The following OC90 variants were observed in gnomAD, a reference collection of about 807,000 sequenced individuals.
The protein encoded by OC90 is otoconin 90.
A neutral mutation model predicts 47.3 loss-of-function variants in OC90; 46 were observed. The observed-to-expected ratio is 0.97, with a 90% CI of 0.77 to 1.24. The LOEUF (loss-of-function observed/expected upper bound fraction) is 1.24, where lower values mean the gene tolerates loss of function less well. Among genes scored for constraint, OC90 ranks in the 50% most tolerant of loss-of-function variants. OC90 has a pLI of 0.00. For missense variants in OC90, 688 were observed against 583.9 expected (o/e 1.18, Z -1.84); for synonymous variants, 271 against 219.5 (o/e 1.23, Z -2.07).
At chr8:132,044,519 T>C in intron 3 of OC90, 30 bp from the exon 4 acceptor site, 3 of 1,304,164 alleles carry the variant, frequency 2.3e-6, no homozygotes, top group Non-Finnish European at 3.3e-6. Context: ...CAAATGAGAG[T>C]CTTGGTTTTT....
rs757069497 is a variant in OC90 at position 132,038,750 on chromosome 8, C to T, written c.628+40G>A. 22 of 1,563,010 alleles carry T rather than the reference C, an allele frequency of 1.4e-5. No homozygotes were observed. The African/African-American group carries it at 2.2e-4, about 15-fold the overall frequency. On this transcript the variant is annotated intron_variant, in intron 8 of 13. Coordinates refer to ENST00000254627, the MANE Select transcript of OC90 (RefSeq NM_001080399.3). The stretch of plus-strand genomic sequence containing the variant: ...CCACCGGCTCCCATCAGCATCTGGG[C>T]CCTTGTGGTTCAAGAGCCACCAACC...
chr8:132,050,340 G>T (rs1199268535), intron 2 of OC90, among the ~76,000 whole-genome samples: 1 of 152,134 alleles, frequency 6.6e-6, no homozygotes, highest in Non-Finnish European at 1.5e-5. Flanking sequence ...TCATAGGAAG[G>T]CACGATCCAT....
At position 132,039,022 on chromosome 8, in the gene OC90, T is replaced by C. The variant is rs766069705; in HGVS notation, c.559A>G (p.Thr187Ala). 3.1e-6 allele frequency: 5 copies of C among 1,613,656 alleles called. No homozygotes were observed. Among genetic ancestry groups the C allele is most frequent in the South Asian group, 2.2e-5 (2 of 91,054 alleles). The change falls in exon 7 of 14, where the codon ACC (threonine) becomes GCC (alanine). Residue 187 changes from threonine to alanine, a missense_variant. Coordinates refer to ENST00000254627, the MANE Select transcript of OC90 (RefSeq NM_001080399.3). The stretch of plus-strand genomic sequence containing the variant: ...GGAGTCTGAGCCAGGCAGAAGGAGG[T>C]GTCCAGAAGGTTCAGGGAAGAGTTG... ...SLNSSLNLLD[T>A]SFCLAQTPET...
intron 3 of OC90, among the ~76,000 whole-genome samples, chr8:132,044,801 C>G (rs1172972482): frequency 5.9e-5 from 9 of 152,194 alleles, no homozygotes; most frequent in Non-Finnish European, 4.4e-5. Context: ...GGGTCTCATT[C>G]AGTGTGATGA....
At chr8:132,050,523 G>A (rs1397745518) in intron 2 of OC90, among the ~76,000 whole-genome samples, 2 of 152,184 alleles carry the variant, frequency 1.3e-5, no homozygotes, top group East Asian at 3.8e-4. Flanking sequence ...GGCTGCAGGG[G>A]ATGGAAATAG....
intron 2 of OC90, among the ~76,000 whole-genome samples, chr8:132,049,288 G>A (rs1823180929): frequency 6.6e-6 from 1 of 152,040 alleles, no homozygotes; most frequent in Non-Finnish European, 1.5e-5. Context: ...CAAACCTTCT[G>A]TGATTCTCTA....
intron 6 of OC90, among the ~76,000 whole-genome samples, chr8:132,040,148 C>T (rs759233283): frequency 8.5e-5 from 13 of 152,172 alleles, no homozygotes; most frequent in Admixed American, 2.0e-4. Flanking sequence ...CCACCTCCTC[C>T]CCTCAATTCC....
chr8:132,038,284 TCC>T (rs998063517), intron 8 of OC90, among the ~76,000 whole-genome samples: 2 of 152,162 alleles, frequency 1.3e-5, no homozygotes, highest in Non-Finnish European at 2.9e-5. Context: ...AAAAGCAGCC[TCC>T]CCATCAAAAA....
At chr8:132,054,118 G>A (rs1823251142) in intron 2 of OC90, among the ~76,000 whole-genome samples, 1 of 152,202 alleles carries the variant, frequency 6.6e-6, no homozygotes, top group South Asian at 2.1e-4. Flanking sequence ...GGCTGTGCTT[G>A]GAAGTCCAAG....
rs1465920081 is a variant in OC90, at chr8:132,039,087, C to G, written c.494G>C (p.Cys165Ser). The G allele has an allele frequency of 6.2e-7, 1 of 1,613,068 alleles. No homozygotes were observed. Among genetic ancestry groups the G allele is most frequent in the Non-Finnish European group, 8.5e-7 (1 of 1,179,610 alleles). The change falls in exon 7 of 14, where the codon TGT becomes TCT. Residue 165 changes from cysteine to serine, a missense_variant. Coordinates refer to ENST00000254627, the MANE Select transcript of OC90 (RefSeq NM_001080399.3). ...CAAGCACTCTATGGCAGCCTTATCA[C>G]AGGTACACAGCAGGTGCTCACAGTT... Reference protein sequence around the residue: ...KDNCEHLLCTCDKAAIECLAR... With the variant: ...KDNCEHLLCTSDKAAIECLAR...
At chr8:132,044,294 T>C (rs979637264) in intron 4 of OC90, 139 bp downstream of exon 4, 10 of 632,334 alleles carry the variant, frequency 1.6e-5, no homozygotes, top group Non-Finnish European at 2.6e-5. Flanking sequence ...TCGTCGGAAC[T>C]TGGGTCTCCT....
chr8:132,034,512 T>A (rs1397622507), intron 10 of OC90, among the ~76,000 whole-genome samples: 1 of 152,128 alleles, frequency 6.6e-6, no homozygotes, highest in Non-Finnish European at 1.5e-5. Context: ...AGCCCTCACC[T>A]CTTGAGGAGG....
At chr8:132,047,691 AC>A (rs34972151) in intron 2 of OC90, among the ~76,000 whole-genome samples, 2,261 of 152,316 alleles carry the variant, frequency 0.015, 53 homozygotes, top group African/African-American at 0.051. Flanking sequence ...TTTAAAGGAA[AC>A]TTTTATTTGT....
At chr8:132,038,096 C>T (rs1822995763) in intron 8 of OC90, among the ~76,000 whole-genome samples, 1 of 152,106 alleles carries the variant, frequency 6.6e-6, no homozygotes, top group South Asian at 2.1e-4. Flanking sequence ...GACTTCTCAT[C>T]CCCAGATGCC....
At chr8:132,041,837 T>A (rs1823059114) in intron 4 of OC90, 138 bp from the exon 5 acceptor site, 2 of 531,228 alleles carry the variant, frequency 3.8e-6, no homozygotes, top group South Asian at 5.6e-5. Context: ...ATAAAACTGT[T>A]TTAGACTAAG....
At chr8:132,043,316 G>A (rs1823080608) in intron 4 of OC90, among the ~76,000 whole-genome samples, 2 of 152,200 alleles carry the variant, frequency 1.3e-5, no homozygotes, top group Non-Finnish European at 1.5e-5. Context: ...CTGTAAGGCA[G>A]ATGTTTTCTG....
chr8:132,058,378 G>A (rs1379161005), intron 1 of OC90, among the ~76,000 whole-genome samples: 1 of 152,178 alleles, frequency 6.6e-6, no homozygotes, highest in Non-Finnish European at 1.5e-5. Context: ...GGCCTCATGG[G>A]TCAGTGCTGT....
At chr8:132,052,801 C>T (rs917471507) in intron 2 of OC90, among the ~76,000 whole-genome samples, 1 of 152,222 alleles carries the variant, frequency 6.6e-6, no homozygotes, top group African/African-American at 2.4e-5. Context: ...CTGCACTTTG[C>T]AGGCATCACC....
Position 132,027,664 on chromosome 8 carries a change from G to C in OC90, c.1138+1409C>G, listed in dbSNP as rs557688676. Among the ~76,000 whole-genome samples the C allele has an allele frequency of 7.9e-5, 12 of 152,288 alleles. No individual in the cohort carries two copies. In the South Asian group the frequency reaches 1.7e-3, roughly 21 times the overall value. On this transcript the variant is annotated intron_variant, in intron 13 of 13. Coordinates refer to ENST00000254627, the MANE Select transcript of OC90 (RefSeq NM_001080399.3). Reference sequence around the variant, plus strand: ...ACAGCAAGTCTCCATTTGCTATCAGGGGCCTGCTCATGGGGATTGCAGTTT... The same window carrying C: ...ACAGCAAGTCTCCATTTGCTATCAGCGGCCTGCTCATGGGGATTGCAGTTT...
Sources: gnomAD v4.1 joint callset for allele counts (sites outside exome capture counted in the v4.1 genomes callset) on GRCh38, gnomAD v4.1.1 for gene constraint, MANE v1.5 for transcripts, NCBI Gene and HGNC (gene_info 2026-07-23, HGNC 2026-07-21) for gene names.